USP3: variants seen among roughly 807,000 people sequenced by gnomAD.
The protein encoded by USP3 is ubiquitin specific peptidase 3.
Under a neutral mutation model 72.3 loss-of-function variants are expected in USP3, and 20 were observed. The observed-to-expected ratio is 0.28, with a 90% CI of 0.19 to 0.40. USP3 has a LOEUF of 0.40. Ranked by LOEUF, USP3 falls within the 10% of genes least tolerant of loss-of-function variation. USP3 has a pLI of 1.00. For synonymous variants in USP3, 222 were observed against 225.3 expected, an observed-to-expected ratio of 0.99 and a Z score of 0.13; for missense variants, 479 against 633.9, an observed-to-expected ratio of 0.76 and a Z score of 2.62.
chr15:63,553,312 C>T lies in USP3; in HGVS notation c.285-403C>T, dbSNP rs1473844066. The T allele has an allele frequency of 6.5e-6, 1 of 153,510 alleles. No individual in the cohort carries two copies. Among genetic ancestry groups the T allele is most frequent in the Non-Finnish European group, 1.4e-5 (1 of 69,002 alleles). The allele number at this position is 153,510 out of a possible 1,614,324, so 9.5% of individuals were successfully genotyped here. On this transcript the variant is annotated intron_variant, in intron 3 of 14. Coordinates refer to ENST00000380324, the MANE Select transcript of USP3 (RefSeq NM_006537.4). The surrounding 1 kb of genome is among the most constrained non-coding windows in gnomAD (Gnocchi z 4.2). ...CTGCTTTTCACTTAAATCTCTCCTT[C>T]CCCCAATTCCCCATTAATTTGGGTT...
At chr15:63,506,632 CTG>C (rs977424738) in intron 1 of USP3, among the ~76,000 whole-genome samples, 2 of 152,168 alleles carry the variant, frequency 1.3e-5, no homozygotes, top group African/African-American at 4.8e-5. Flanking sequence ...GTCCACTTGA[CTG>C]TGAAAAAGAG....
chr15:63,539,189 TTC>T (rs1189476141), intron 3 of USP3, among the ~76,000 whole-genome samples: 2 of 152,142 alleles, frequency 1.3e-5, no homozygotes, highest in Non-Finnish European at 2.9e-5. Context: ...AACTGTGTGT[TTC>T]TGTGTGTTTG....
chr15:63,590,811 A>G lies in USP3; in HGVS notation c.1548A>G (p.Gly516=). ...LFYVEHQAKA[G]SDKL is the part of the protein sequence containing the mutation. ...ACGTGGAACACCAGGCCAAAGCTGG[A>G]TCGGATAAACTTTAATACCTCCTCC... The change falls in exon 15 of 15, where the codon GGA becomes GGG. Residue 516 remains glycine (G), a synonymous_variant. Coordinates refer to ENST00000380324, the MANE Select transcript of USP3 (RefSeq NM_006537.4). The G allele has an allele frequency of 1.2e-6, 2 of 1,612,986 alleles. No individual in the cohort carries two copies. The highest frequency in any genetic ancestry group is 1.7e-6 in the Non-Finnish European group (2 of 1,179,732).
At chr15:63,552,902 G>T (rs1291484427) in intron 3 of USP3, among the ~76,000 whole-genome samples, 2 of 152,114 alleles carry the variant, frequency 1.3e-5, no homozygotes, top group African/African-American at 4.8e-5. Flanking sequence ...TTCATGCAAA[G>T]CATATTCAAA....
chr15:63,537,260 C>G, intron 3 of USP3, 104 bp downstream of exon 3: 3 of 1,296,682 alleles, frequency 2.3e-6, no homozygotes, highest in Non-Finnish European at 3.1e-6. Context: ...GCTGTTACCT[C>G]CTTTTACAAC....
intron 3 of USP3, among the ~76,000 whole-genome samples, chr15:63,546,641 C>T (rs2066332570): frequency 6.6e-6 from 1 of 152,018 alleles, no homozygotes; most frequent in Admixed American, 6.6e-5. Context: ...GCTCTGTCGC[C>T]CAGGCTGGAA....
rs2066039775 is a variant in USP3, at chr15:63,529,746, G to A, written c.92-2901G>A. ...TGGTAGGAAACATACCCAAAGCAAA[G>A]TCACAGGGATTCTGCTCCAGATTTC... On this transcript the variant is annotated intron_variant, in intron 1 of 14. Transcript: ENST00000380324. The surrounding 1 kb of genome is among the most constrained non-coding windows in gnomAD (Gnocchi z 4.2). Among the ~76,000 whole-genome samples, 1 of 152,212 alleles carries A rather than the reference G, an allele frequency of 6.6e-6. No individual in the cohort carries two copies. Among genetic ancestry groups the A allele is most frequent in the Admixed American group, 6.5e-5 (1 of 15,280 alleles).
intron 14 of USP3, among the ~76,000 whole-genome samples, chr15:63,590,187 T>TCCTGGCA (rs2067165037): frequency 6.6e-6 from 1 of 152,172 alleles, no homozygotes; most frequent in Non-Finnish European, 1.5e-5. Context: ...AATAGGGTTT[T>TCCTGGCA]CCTGGCACCT....
At chr15:63,505,223 G>A (rs1595695485) in intron 1 of USP3, among the ~76,000 whole-genome samples, 1 of 152,196 alleles carries the variant, frequency 6.6e-6, no homozygotes, top group African/African-American at 2.4e-5. Flanking sequence ...AGGGGCGGCC[G>A]CACGTGTGGC....
At position 63,574,280 on chromosome 15, in the gene USP3, T is replaced by C. The variant is rs1415240070; in HGVS notation, c.1016-43T>C. Reference sequence around the variant, plus strand: ...TGTGAAATTATTTTGAATGGACATATATGCCTTTAACAGCTCTCTGTTTAC... The same window carrying C: ...TGTGAAATTATTTTGAATGGACATACATGCCTTTAACAGCTCTCTGTTTAC... On this transcript the variant is annotated intron_variant, in intron 10 of 14. Coordinates refer to ENST00000380324, the MANE Select transcript of USP3 (RefSeq NM_006537.4). This position sits in a 1 kb window ranked among gnomAD's most constrained non-coding sequence, Gnocchi z 4.6. 4.6e-6 allele frequency: 7 copies of C among 1,522,200 alleles called. No homozygotes were observed. The highest frequency in any genetic ancestry group is 6.2e-6 in the Non-Finnish European group (7 of 1,131,622). The allele number at this position is 1,522,200 out of a possible 1,614,324, so 94.3% of individuals were successfully genotyped here.
chr15:63,586,986 C>G (rs1008808405), intron 11 of USP3, among the ~76,000 whole-genome samples: 1 of 152,152 alleles, frequency 6.6e-6, no homozygotes, highest in Non-Finnish European at 1.5e-5. Flanking sequence ...CTAACTTTCC[C>G]TGAAGGGGCG....
intron 8 of USP3, among the ~76,000 whole-genome samples, chr15:63,565,212 A>T (rs2066669126): frequency 6.6e-6 from 1 of 152,186 alleles, no homozygotes; most frequent in African/African-American, 2.4e-5. Flanking sequence ...ACAAATATAT[A>T]TACATACACA....
chr15:63,523,910 C>T (rs2152654617), intron 1 of USP3, among the ~76,000 whole-genome samples: 1 of 152,252 alleles, frequency 6.6e-6, no homozygotes. Context: ...TCCAAAGAAG[C>T]AAAAGGAAGG....
At chr15:63,557,881 G>C (rs1271315703) in intron 5 of USP3, among the ~76,000 whole-genome samples, 1 of 152,138 alleles carries the variant, frequency 6.6e-6, no homozygotes, top group Non-Finnish European at 1.5e-5. Context: ...CTTTCAATAA[G>C]ATACTTCTAT....
At chr15:63,576,124 C>G (rs1040861597) in intron 11 of USP3, among the ~76,000 whole-genome samples, 1 of 151,756 alleles carries the variant, frequency 6.6e-6, no homozygotes, top group Non-Finnish European at 1.5e-5. Context: ...GTAGCTGGGA[C>G]TACAGGCGTA....
chr15:63,561,671 G>A (rs1204847758), intron 7 of USP3, among the ~76,000 whole-genome samples: 3 of 152,242 alleles, frequency 2.0e-5, no homozygotes, highest in Admixed American at 2.0e-4. Flanking sequence ...TGACTGCAAG[G>A]GAGCCTGAGA....
rs187433790 is a variant in USP3 at position 63,523,995 on chromosome 15, C to G, written c.92-8652C>G. Reference sequence around the variant, plus strand: ...CTGTTTATGGCACTTTCTTAAGAATCTTTACCTAGAATTTGGGATTTCTAT... The same window carrying G: ...CTGTTTATGGCACTTTCTTAAGAATGTTTACCTAGAATTTGGGATTTCTAT... On this transcript the variant is annotated intron_variant, in intron 1 of 14. Coordinates refer to ENST00000380324, the MANE Select transcript of USP3 (RefSeq NM_006537.4). 1.4e-4 allele frequency among the ~76,000 whole-genome samples: 22 copies of G among 152,276 alleles called. No homozygotes were observed. The East Asian group carries it at 3.9e-3, about 27-fold the overall frequency.
At chr15:63,584,113 T>C (rs1260682226) in intron 11 of USP3, among the ~76,000 whole-genome samples, 3 of 148,690 alleles carry the variant, frequency 2.0e-5, no homozygotes, top group Non-Finnish European at 3.0e-5. Flanking sequence ...TTTTTTTTTT[T>C]TTGAGATGGA....
At chr15:63,530,590 G>T in intron 1 of USP3, 1 of 434,214 alleles carries the variant, frequency 2.3e-6, no homozygotes, top group Non-Finnish European at 4.6e-6. Flanking sequence ...TGGGACTACA[G>T]GCACGTACCA....
Sources: gnomAD v4.1 joint callset for allele counts (sites outside exome capture counted in the v4.1 genomes callset) on GRCh38, gnomAD v4.1.1 for gene constraint, Gnocchi (gnomAD v3.1) non-coding constraint, MANE v1.5 for transcripts, NCBI Gene and HGNC (gene_info 2026-07-23, HGNC 2026-07-21) for gene names.